MAF: variants seen among roughly 807,000 people sequenced by gnomAD.
MAF encodes transcription factor Maf.
Under a neutral mutation model 22.0 loss-of-function variants are expected in MAF, and 10 were observed. The ratio of observed to expected loss-of-function variants is 0.45; its 90% CI spans 0.28 to 0.77. The LOEUF (loss-of-function observed/expected upper bound fraction) is 0.77. Among genes scored for constraint, MAF ranks in the 30% least tolerant of loss-of-function variants. The probability of loss-of-function intolerance (pLI) is 0.12; values close to 1 mark genes in which losing one functional copy is unlikely to be tolerated. For synonymous variants in MAF, 337 were observed against 255.8 expected (o/e 1.32, Z -3.03); for missense variants, 544 against 548.4 (o/e 0.99, Z 0.08).
the MAF span, among the ~76,000 whole-genome samples, chr16:79,323,060 G>C: frequency 6.9e-6 from 1 of 144,922 alleles, no homozygotes; most frequent in African/African-American, 2.5e-5. Flanking sequence ...TGGGGCAGGA[G>C]AATGGTGTGA....
chr16:79,481,850 T>TCA, the MAF span, among the ~76,000 whole-genome samples: 1 of 152,050 alleles, frequency 6.6e-6, no homozygotes, highest in African/African-American at 2.4e-5. Context: ...TCCATCTGGG[T>TCA]AGGGGAGACA....
the MAF span, among the ~76,000 whole-genome samples, chr16:79,299,166 G>T: frequency 1.3e-5 from 2 of 152,230 alleles, no homozygotes; most frequent in East Asian, 1.9e-4. Context: ...TAGACTGGAT[G>T]CTGGTTAATG....
At chr16:79,351,076 C>G in the MAF span, among the ~76,000 whole-genome samples, 9 of 152,166 alleles carry the variant, frequency 5.9e-5, no homozygotes, top group Non-Finnish European at 1.0e-4. Context: ...TCTCCATCAG[C>G]TGTCATACAA....
At chr16:79,323,007 A>G in the MAF span, among the ~76,000 whole-genome samples, 2 of 151,614 alleles carry the variant, frequency 1.3e-5, no homozygotes, top group Non-Finnish European at 2.9e-5. Flanking sequence ...AAAATTAGCC[A>G]GGCTTGGTGG....
chr16:79,386,415 C>T, the MAF span, among the ~76,000 whole-genome samples: 6,284 of 152,046 alleles, frequency 0.041, 261 homozygotes, highest in East Asian at 0.19. Context: ...AGGGTTCATG[C>T]TCCTTTGAGA....
Position 79,599,123 on chromosome 16 carries a change from G to A in MAF, c.780C>T (p.Arg260=). 3.8e-6 allele frequency: 6 copies of A among 1,593,596 alleles called. No homozygotes were observed. The highest frequency in any genetic ancestry group is 5.1e-6 in the Non-Finnish European group (6 of 1,176,014). Residue 260 remains arginine, a synonymous_variant, in exon 1 of 2, where the codon CGC becomes CGT. Transcript: ENST00000326043. ...TGGTCACCAGCTGCTCGTCGGAGAA[G>A]CGGTCGTCGAAGTGCAGGCCGCCGG... ...HAAGGLHFDD[R]FSDEQLVTMS...
the MAF span, among the ~76,000 whole-genome samples, chr16:79,285,251 A>G: frequency 6.6e-6 from 1 of 152,190 alleles, no homozygotes; most frequent in Admixed American, 6.5e-5. Context: ...TCTATTAAAA[A>G]AATATTTTTA....
the MAF span, among the ~76,000 whole-genome samples, chr16:79,284,412 A>G: frequency 6.6e-6 from 1 of 152,210 alleles, no homozygotes; most frequent in Admixed American, 6.5e-5. Context: ...ATTACAAAAT[A>G]CCTGAGTGGC....
At chr16:79,209,546 G>A in the MAF span, among the ~76,000 whole-genome samples, 1 of 152,130 alleles carries the variant, frequency 6.6e-6, no homozygotes, top group Admixed American at 6.5e-5. Flanking sequence ...TGGGTGAGCT[G>A]GATTCTCCCA....
At chr16:79,483,962 C>G in the MAF span, among the ~76,000 whole-genome samples, 3 of 152,124 alleles carry the variant, frequency 2.0e-5, no homozygotes, top group African/African-American at 4.8e-5. Flanking sequence ...GCCAACTTGA[C>G]AAATACCAGT....
At chr16:79,345,251 A>ACCAC in the MAF span, among the ~76,000 whole-genome samples, 1 of 152,126 alleles carries the variant, frequency 6.6e-6, no homozygotes, top group Admixed American at 6.5e-5. Flanking sequence ...TAAACTCTTG[A>ACCAC]CCACCCTATT....
At chr16:79,409,722 G>C in the MAF span, among the ~76,000 whole-genome samples, 1 of 152,170 alleles carries the variant, frequency 6.6e-6, no homozygotes, top group Non-Finnish European at 1.5e-5. Flanking sequence ...AGGAGGAAGA[G>C]GGTGTGAACA....
At chr16:79,244,069 A>G in the MAF span, among the ~76,000 whole-genome samples, 1 of 152,082 alleles carries the variant, frequency 6.6e-6, no homozygotes, top group Non-Finnish European at 1.5e-5. Context: ...CGTATCTCAA[A>G]ATAATAAGAG....
At chr16:79,399,419 G>A in the MAF span, among the ~76,000 whole-genome samples, 7 of 152,276 alleles carry the variant, frequency 4.6e-5, no homozygotes, top group African/African-American at 1.7e-4. Context: ...AGGGTTGGCT[G>A]GAAAAGTATT....
the MAF span, among the ~76,000 whole-genome samples, chr16:79,359,642 T>C: frequency 2.0e-5 from 3 of 152,166 alleles, no homozygotes; most frequent in South Asian, 6.2e-4. Context: ...TCAATTAAGG[T>C]AAATAATCTG....
chr16:79,211,832 CTGTG>C, the MAF span: 2 of 1,612,792 alleles, frequency 1.2e-6, no homozygotes, highest in Non-Finnish European at 1.7e-6. Flanking sequence ...CACACCCGCC[CTGTG>C]TGTGTCCCCT....
At chr16:79,311,010 G>A in the MAF span, among the ~76,000 whole-genome samples, 52 of 148,020 alleles carry the variant, frequency 3.5e-4, no homozygotes, top group African/African-American at 1.2e-3. Flanking sequence ...TGCTGCGGCT[G>A]CTTTTTCATT....
At chr16:79,373,792 C>T in the MAF span, among the ~76,000 whole-genome samples, 1 of 152,156 alleles carries the variant, frequency 6.6e-6, no homozygotes, top group East Asian at 1.9e-4. Context: ...AGAAGGCCCT[C>T]ACCAGATGCA....
At chr16:79,507,733 C>A in the MAF span, among the ~76,000 whole-genome samples, 38 of 152,308 alleles carry the variant, frequency 2.5e-4, no homozygotes, top group African/African-American at 6.7e-4. Context: ...CCGCATCCTA[C>A]TTTTCTACTC....
Sources: gnomAD v4.1 joint callset for allele counts (sites outside exome capture counted in the v4.1 genomes callset) on GRCh38, gnomAD v4.1.1 for gene constraint, MANE v1.5 for transcripts, NCBI Gene and HGNC (gene_info 2026-07-23, HGNC 2026-07-21) for gene names.